Variants in ERC2 observed in about 807,000 individuals in gnomAD.
The protein encoded by ERC2 is ERC protein 2.
Under a neutral mutation model 114.8 loss-of-function variants are expected in ERC2, and 42 were observed. The ratio of observed to expected loss-of-function variants is 0.37; its 90% CI spans 0.29 to 0.47. The LOEUF is 0.47. ERC2 is among the 20% of genes least tolerant of loss of function. The probability of loss-of-function intolerance (pLI) is 0.99; values close to 1 mark genes in which losing one functional copy is unlikely to be tolerated. For missense variants in ERC2, 939 were observed against 1,150.7 expected, an observed-to-expected ratio of 0.82 and a Z score of 2.66; for synonymous variants, 454 against 425.5, an observed-to-expected ratio of 1.07 and a Z score of -0.82.
chr3:56,378,169 C>G (rs1260652087), intron 2 of ERC2, among the ~76,000 whole-genome samples: 1 of 150,560 alleles, frequency 6.6e-6, no homozygotes, highest in Non-Finnish European at 1.5e-5. Flanking sequence ...TTGGAACCAA[C>G]CCAAATGTCC....
intron 3 of ERC2, among the ~76,000 whole-genome samples, chr3:56,243,799 T>C (rs781545107): frequency 1.3e-5 from 2 of 152,160 alleles, no homozygotes; most frequent in African/African-American, 2.4e-5. Context: ...TCACCAAATG[T>C]TTATTGAGTG....
intron 14 of ERC2, among the ~76,000 whole-genome samples, chr3:55,794,788 T>A (rs2070342718): frequency 1.3e-5 from 2 of 152,188 alleles, no homozygotes; most frequent in Non-Finnish European, 2.9e-5. Context: ...ATTAACACCA[T>A]AATTTTGCAA....
intron 6 of ERC2, among the ~76,000 whole-genome samples, chr3:56,139,012 G>A (rs2080691208): frequency 6.6e-6 from 1 of 152,018 alleles, no homozygotes; most frequent in South Asian, 2.1e-4. Context: ...TGGAAACATG[G>A]GTGCCAGAAG....
intron 14 of ERC2, among the ~76,000 whole-genome samples, chr3:55,803,311 T>C (rs1184122776): frequency 6.6e-6 from 1 of 152,182 alleles, no homozygotes; most frequent in Admixed American, 6.5e-5. Context: ...GTGATATTTT[T>C]CTCCCATGGC....
At chr3:55,747,529 G>A (rs17081794) in intron 14 of ERC2, among the ~76,000 whole-genome samples, 2,782 of 152,294 alleles carry the variant, frequency 0.018, 36 homozygotes, top group Middle Eastern at 0.031. Flanking sequence ...ATTCCACGCC[G>A]TAAGGAAAAG....
intron 7 of ERC2, among the ~76,000 whole-genome samples, chr3:56,080,320 G>A (rs17056416): frequency 0.12 from 18,643 of 152,160 alleles, 1,283 homozygotes; most frequent in South Asian, 0.22. Context: ...TTGCATCACT[G>A]TGGCTGGGAA....
intron 14 of ERC2, among the ~76,000 whole-genome samples, chr3:55,832,474 T>C (rs55665761): frequency 0.34 from 52,203 of 152,166 alleles, 10,815 homozygotes; most frequent in African/African-American, 0.58. Flanking sequence ...CTGCAGCCAC[T>C]GCTGCGGATA....
At chr3:55,904,071 T>C (rs2064292690) in intron 13 of ERC2, among the ~76,000 whole-genome samples, 1 of 152,228 alleles carries the variant, frequency 6.6e-6, no homozygotes, top group Non-Finnish European at 1.5e-5. Context: ...ATTCAGGTTC[T>C]AAAAGCCTTG....
In ERC2 at chr3:55,824,447, G is replaced by GA. The variant is rs1020726300; in HGVS notation, c.2564+63941dup. ...CAAAAATAAACTCCCATATGAGTAAGAAAAAAACTCCTGTATGTTTTAGCA... is the reference window on the plus strand; with the variant it reads ...CAAAAATAAACTCCCATATGAGTAAGAAAAAAAACTCCTGTATGTTTTAGCA... On this transcript the variant is annotated intron_variant, in intron 14 of 17. Coordinates refer to ENST00000288221, the MANE Select transcript of ERC2 (RefSeq NM_015576.3). Among the ~76,000 whole-genome samples, 12 of 152,204 alleles carry GA rather than the reference G, an allele frequency of 7.9e-5. No individual in the cohort carries two copies. In the South Asian group the frequency reaches 1.0e-3, roughly 13 times the overall value.
intron 16 of ERC2, among the ~76,000 whole-genome samples, chr3:55,689,422 A>T (rs1215399685): frequency 1.3e-5 from 2 of 152,174 alleles, no homozygotes; most frequent in Non-Finnish European, 2.9e-5. Context: ...CGAAGCCTCT[A>T]TGTCGGCCAA....
chr3:55,975,903 C>G (rs1460718308), intron 12 of ERC2, among the ~76,000 whole-genome samples: 1 of 152,158 alleles, frequency 6.6e-6, no homozygotes, highest in Admixed American at 6.5e-5. Flanking sequence ...TTTTTCTAGT[C>G]CAGCACAAAT....
chr3:55,936,744 G>A (rs188806481), intron 13 of ERC2, among the ~76,000 whole-genome samples: 157 of 152,094 alleles, frequency 1.0e-3, no homozygotes, highest in Middle Eastern at 3.4e-3. Flanking sequence ...AGAGAGCCAG[G>A]GCCAATGGCA....
chr3:55,740,649 T>C (rs115741912), intron 14 of ERC2, among the ~76,000 whole-genome samples: 7 of 152,292 alleles, frequency 4.6e-5, no homozygotes, highest in South Asian at 2.1e-4. Context: ...TCTGAATATG[T>C]TAAGGCTTAT....
chr3:56,006,419 C>T (rs547897583), intron 10 of ERC2, among the ~76,000 whole-genome samples: 67 of 152,074 alleles, frequency 4.4e-4, no homozygotes, highest in African/African-American at 1.5e-3. Context: ...AGATTCTTAT[C>T]ATCTCTTTTG....
chr3:56,169,125 A>T (rs2082485303), intron 4 of ERC2, among the ~76,000 whole-genome samples: 1 of 152,158 alleles, frequency 6.6e-6, no homozygotes, highest in Non-Finnish European at 1.5e-5. Flanking sequence ...TTCTTAATCC[A>T]CTTTAGTTAA....
intron 17 of ERC2, among the ~76,000 whole-genome samples, chr3:55,532,694 C>A (rs2053745673): frequency 6.6e-6 from 1 of 152,166 alleles, no homozygotes; most frequent in Non-Finnish European, 1.5e-5. Context: ...GTGGTACAGC[C>A]AGGACCAAAC....
chr3:55,615,640 G>T (rs1048387786), intron 17 of ERC2, among the ~76,000 whole-genome samples: 1 of 151,872 alleles, frequency 6.6e-6, no homozygotes, highest in Non-Finnish European at 1.5e-5. Context: ...AAACTGTAAG[G>T]AGAAAAAAAA....
chr3:55,769,087 C>T (rs924624203), intron 14 of ERC2, among the ~76,000 whole-genome samples: 5 of 152,176 alleles, frequency 3.3e-5, no homozygotes, highest in African/African-American at 1.2e-4. Context: ...CACAGTGAGC[C>T]TGTCTGCCTG....
chr3:55,967,124 T>A (rs1238048364), intron 12 of ERC2, among the ~76,000 whole-genome samples: 1 of 152,194 alleles, frequency 6.6e-6, no homozygotes. Flanking sequence ...GGAAACGTTA[T>A]CAGTGAATAG....
Sources: allele counts gnomAD v4.1 joint callset (sites outside exome capture counted in the v4.1 genomes callset), GRCh38; gene constraint gnomAD v4.1.1; transcripts MANE v1.5; gene names NCBI Gene and HGNC (gene_info 2026-07-23, HGNC 2026-07-21).